ATP5PF: variants seen among roughly 807,000 people sequenced by gnomAD.
The protein encoded by ATP5PF is ATP synthase peripheral stalk subunit F6, mitochondrial.
Under a neutral mutation model 12.0 loss-of-function variants are expected in ATP5PF, and 7 were observed. The observed-to-expected ratio is 0.58, with a 90% CI of 0.33 to 1.10. The LOEUF is 1.10. ATP5PF is among the 50% of genes least tolerant of loss of function. The pLI is 0.03. For synonymous variants in ATP5PF, 41 were observed against 45.4 expected, an observed-to-expected ratio of 0.90 and a Z score of 0.39; for missense variants, 120 against 127.7, an observed-to-expected ratio of 0.94 and a Z score of 0.29.
intron 2 of ATP5PF, 66 bp downstream of exon 2, chr21:25,729,565 A>G: frequency 7.1e-7 from 1 of 1,414,158 alleles, no homozygotes; most frequent in Non-Finnish European, 9.5e-7. Flanking sequence ...AGTCATTTTT[A>G]TTACCACCTT....
rs534757201 is a variant in ATP5PF, at chr21:25,730,776, G to C, written c.-7-975C>G. 5.9e-3 allele frequency among the ~76,000 whole-genome samples: 292 copies of C among 49,884 alleles called. 5 individuals are homozygous for C. The highest frequency in any genetic ancestry group is 0.027 in the Middle Eastern group (2 of 74). 32.7% of individuals were successfully genotyped at this position (49,884 alleles called of 152,430 possible). A position where few individuals can be genotyped will look rare whatever the true frequency, so the allele number is the denominator to read the frequency against. On this transcript the variant is annotated intron_variant, in intron 1 of 3. Transcript: ENST00000284971. ...AAAAAAAAAAAAAAAAAAAAAAAAA[G>C]ACTTAAAGACTTTCAAATCCCTAGA...
At chr21:25,735,052 C>T, upstream of ATP5PF, 1 of 1,301,594 alleles carries the variant, frequency 7.7e-7, no homozygotes, top group Middle Eastern at 1.8e-4. Context: ...AGAAGCCAAA[C>T]AGGAGGAGGA....
At chr21:25,727,750 T>C (rs2034655527) in intron 2 of ATP5PF, among the ~76,000 whole-genome samples, 1 of 152,154 alleles carries the variant, frequency 6.6e-6, no homozygotes, top group South Asian at 2.1e-4. Context: ...TAACACCACA[T>C]TTGGACAGAA....
rs567499162 is a variant in ATP5PF, at chr21:25,729,667, A to G, written c.128T>C (p.Phe43Ser). Residue 43 changes from phenylalanine (F) to serine (S), a missense_variant, in exon 2 of 4, where the codon TTT (phenylalanine) becomes TCT (serine). By Grantham distance (155) the Phe-to-Ser change is radical. Coordinates refer to ENST00000284971, the MANE Select transcript of ATP5PF (RefSeq NM_001003703.2). ...NKELDPIQKL[F>S]VDKIREYKSK... ...TTTGTATTCTCTAATCTTGTCCACA[A>G]AGAGTTTCTGTATAGGATCAAGTTC... The G allele has an allele frequency of 1.2e-5, 19 of 1,613,574 alleles. No homozygotes were observed. In the South Asian group the frequency reaches 2.0e-4, roughly 17 times the overall value.
At chr21:25,733,193 T>C (rs1467388145) in intron 1 of ATP5PF, among the ~76,000 whole-genome samples, 1 of 152,042 alleles carries the variant, frequency 6.6e-6, no homozygotes, top group Non-Finnish European at 1.5e-5. Context: ...CCACTTATTA[T>C]CATTCCTATG....
chr21:25,731,798 T>A (rs1437383338), intron 1 of ATP5PF, among the ~76,000 whole-genome samples: 1 of 151,944 alleles, frequency 6.6e-6, no homozygotes, highest in East Asian at 1.9e-4. Context: ...ATATAAGTAT[T>A]TAGAGGCCAG....
chr21:25,733,192 A>G (rs950930355), intron 1 of ATP5PF, among the ~76,000 whole-genome samples: 1 of 152,038 alleles, frequency 6.6e-6, no homozygotes, highest in Admixed American at 6.5e-5. Context: ...GCCACTTATT[A>G]TCATTCCTAT....
At chr21:25,735,071 G>A (rs966189573), upstream of ATP5PF, 65 of 1,090,772 alleles carry the variant, frequency 6.0e-5, no homozygotes, top group Admixed American at 4.0e-4. Context: ...GAAGTGGAGG[G>A]TAAGTGCTTC....
intron 2 of ATP5PF, among the ~76,000 whole-genome samples, chr21:25,728,232 G>C (rs1391140466): frequency 6.6e-6 from 1 of 152,060 alleles, no homozygotes; most frequent in Admixed American, 6.6e-5. Flanking sequence ...TCCTAATTCA[G>C]AGTAATCTTC....
intron 1 of ATP5PF, among the ~76,000 whole-genome samples, chr21:25,734,154 AG>A (rs1461450459): frequency 6.6e-6 from 1 of 152,210 alleles, no homozygotes; most frequent in African/African-American, 2.4e-5. Flanking sequence ...TTACACAAAT[AG>A]CTGTGAAATA....
chr21:25,725,784 GA>G (rs1395290524), intron 2 of ATP5PF, among the ~76,000 whole-genome samples: 8 of 152,170 alleles, frequency 5.3e-5, no homozygotes, highest in African/African-American at 1.7e-4. Flanking sequence ...AAAGACTTCA[GA>G]AAGAAAATAA....
At chr21:25,725,170 G>A in intron 3 of ATP5PF, 56 bp downstream of exon 3, 2 of 1,562,896 alleles carry the variant, frequency 1.3e-6, no homozygotes, top group Non-Finnish European at 8.6e-7. Context: ...CCAGGTAAGT[G>A]TAAATATTCT....
chr21:25,733,062 T>A (rs1005981598), intron 1 of ATP5PF, among the ~76,000 whole-genome samples: 12 of 141,970 alleles, frequency 8.5e-5, no homozygotes, highest in Non-Finnish European at 1.5e-4. Context: ...CCTGACAGAA[T>A]GAAAGCAAAC....
intron 2 of ATP5PF, 86 bp from the exon 3 acceptor site, chr21:25,725,436 ATCT>A (rs2034592767): frequency 1.5e-6 from 2 of 1,311,612 alleles, no homozygotes; most frequent in East Asian, 2.7e-5. Flanking sequence ...ATTCCAACAG[ATCT>A]TTTTTTTTTT....
chr21:25,726,113 G>A (rs958112715), intron 2 of ATP5PF, among the ~76,000 whole-genome samples: 6 of 152,268 alleles, frequency 3.9e-5, no homozygotes, highest in South Asian at 4.2e-4. Context: ...AAATGCACAC[G>A]TACCTCTAAG....
intron 1 of ATP5PF, among the ~76,000 whole-genome samples, chr21:25,730,982 T>C (rs1014692471): frequency 7.2e-5 from 11 of 152,160 alleles, no homozygotes; most frequent in Non-Finnish European, 1.6e-4. Context: ...CGGTGGCTCA[T>C]GTGTGTAATC....
chr21:25,732,962 G>A (rs2034828415), intron 1 of ATP5PF, among the ~76,000 whole-genome samples: 1 of 96,446 alleles, frequency 1.0e-5, no homozygotes, highest in Non-Finnish European at 1.9e-5. Flanking sequence ...TCCACCCTGG[G>A]CAACAAGAGT....
At position 25,734,319 on chromosome 21, in the gene ATP5PF, T is replaced by C. The variant is rs377367843; in HGVS notation, c.-8+534A>G. On this transcript the variant is annotated intron_variant, in intron 1 of 3. Coordinates refer to ENST00000284971, the MANE Select transcript of ATP5PF (RefSeq NM_001003703.2). ...CTGGGTGGGAGCATGGTTCTATTTATAGTGATGACTGACCGGCCAAAGGTT... is the reference window on the plus strand; with the variant it reads ...CTGGGTGGGAGCATGGTTCTATTTACAGTGATGACTGACCGGCCAAAGGTT... 3.0e-6 allele frequency: 3 copies of C among 985,946 alleles called. No individual in the cohort carries two copies. The African/African-American group carries it at 5.2e-5, about 17-fold the overall frequency. The allele number at this position is 985,946 out of a possible 1,614,324, so 61.1% of individuals were successfully genotyped here.
chr21:25,734,930 C>T (rs753500345), upstream of ATP5PF: 18 of 1,573,554 alleles, frequency 1.1e-5, no homozygotes, highest in Admixed American at 1.8e-5. Flanking sequence ...TCCGCCCCCA[C>T]ACGCCTACCC....
Sources: gnomAD v4.1 joint callset for allele counts (sites outside exome capture counted in the v4.1 genomes callset) on GRCh38, gnomAD v4.1.1 for gene constraint, MANE v1.5 for transcripts, NCBI Gene and HGNC (gene_info 2026-07-23, HGNC 2026-07-21) for gene names.